TMEM132B: variants seen among roughly 807,000 people sequenced by gnomAD.
The protein encoded by TMEM132B is transmembrane protein 132B.
A neutral mutation model predicts 90.8 loss-of-function variants in TMEM132B; 18 were observed. The ratio of observed to expected loss-of-function variants is 0.20; its 90% CI spans 0.14 to 0.29. The LOEUF (loss-of-function observed/expected upper bound fraction) is 0.29, where lower values mean the gene tolerates loss of function less well. Among genes scored for constraint, TMEM132B ranks in the 10% least tolerant of loss-of-function variants. TMEM132B has a pLI of 1.00. For synonymous variants in TMEM132B, 504 were observed against 523.3 expected (o/e 0.96, Z 0.50); for missense variants, 1,096 against 1,326.8 (o/e 0.83, Z 2.70).
chr12:125,595,342 C>T (rs961863619), intron 5 of TMEM132B, among the ~76,000 whole-genome samples: 1 of 152,182 alleles, frequency 6.6e-6, no homozygotes, highest in African/African-American at 2.4e-5. Context: ...TGTCGCTGCT[C>T]ATGGAAAGGG....
At chr12:125,561,602 ATGGATGTTG>A in intron 4 of TMEM132B, among the ~76,000 whole-genome samples, 1 of 152,342 alleles carries the variant, frequency 6.6e-6, no homozygotes, top group African/African-American at 2.4e-5. Context: ...GGGATGCTGA[ATGGATGTTG>A]TGTTATCAGG....
intron 7 of TMEM132B, 152 bp from the exon 8 acceptor site, chr12:125,652,289 T>C: frequency 1.6e-6 from 1 of 625,186 alleles, no homozygotes; most frequent in South Asian, 2.8e-5. Context: ...TGAAGTGTGA[T>C]TGAACAACGG....
At chr12:125,315,943 C>G (rs940737672) in intron 1 of TMEM132B, among the ~76,000 whole-genome samples, 1 of 152,130 alleles carries the variant, frequency 6.6e-6, no homozygotes, top group South Asian at 2.1e-4. Flanking sequence ...TGGGTCACCA[C>G]CCCCTGGATG....
intron 1 of TMEM132B, among the ~76,000 whole-genome samples, chr12:125,238,682 G>A (rs910159597): frequency 1.3e-5 from 2 of 152,248 alleles, no homozygotes; most frequent in African/African-American, 2.4e-5. Context: ...AAGTTGATCC[G>A]TGACAGGTGG....
At position 125,519,299 on chromosome 12, in the gene TMEM132B, G is replaced by A. The variant is rs1392019899; in HGVS notation, c.1107-140G>A. On this transcript the variant is annotated intron_variant, in intron 3 of 8. Coordinates refer to ENST00000682704, the MANE Select transcript of TMEM132B (RefSeq NM_001366854.1). ...GATGGGCAGCTGTGAATTAGGCTCC[G>A]ACAACACTGCCGTGTGAGTTGTTGA... is the stretch of plus-strand genomic sequence containing the variant. The A allele has an allele frequency of 1.2e-5, 10 of 856,838 alleles. No homozygotes were observed. In the Middle Eastern group the frequency reaches 8.5e-4, roughly 73 times the overall value. The allele number at this position is 856,838 out of a possible 1,614,324, so 53.1% of individuals were successfully genotyped here.
chr12:125,493,490 C>T (rs61945409), intron 3 of TMEM132B, among the ~76,000 whole-genome samples: 11,851 of 152,118 alleles, frequency 0.078, 513 homozygotes, highest in Non-Finnish European at 0.1. Flanking sequence ...CCAGAGGGAA[C>T]GTCGACTACC....
At chr12:125,610,533 C>T (rs1885799504) in intron 5 of TMEM132B, among the ~76,000 whole-genome samples, 1 of 152,020 alleles carries the variant, frequency 6.6e-6, no homozygotes, top group African/African-American at 2.4e-5. Flanking sequence ...TTGATATGCT[C>T]ATTTTGCTAA....
Position 125,339,221 on chromosome 12 carries a change from G to A in TMEM132B, c.68-10231G>A, listed in dbSNP as rs1593092691. On this transcript the variant is annotated intron_variant, in intron 1 of 8. Transcript: ENST00000682704. ...CTGCCATAACAAAGTACCACATATT[G>A]GGCCACTTAAACAGCAGAAATTTAT... Among the ~76,000 whole-genome samples the A allele has an allele frequency of 2.0e-5, 3 of 152,124 alleles. No individual in the cohort carries two copies. The East Asian group carries it at 5.8e-4, about 29-fold the overall frequency.
chr12:125,300,691 A>T (rs979424497), intron 1 of TMEM132B, among the ~76,000 whole-genome samples: 2 of 152,244 alleles, frequency 1.3e-5, no homozygotes, highest in Admixed American at 6.5e-5. Context: ...AGGAGCCGTC[A>T]TTAGCTCATT....
Position 125,380,985 on chromosome 12 carries a change from T to G in TMEM132B, c.959+30642T>G, listed in dbSNP as rs377625006. Among the ~76,000 whole-genome samples the G allele has an allele frequency of 4.6e-5, 7 of 152,322 alleles. No homozygotes were observed. In the East Asian group the frequency reaches 1.2e-3, roughly 25 times the overall value. On this transcript the variant is annotated intron_variant, in intron 2 of 8. Transcript: ENST00000682704. ...GGATTAATTTTCCTGTTTTAAATGC[T>G]CAGAGTTGCTTCTGTCCTGGTCAGA... is the stretch of plus-strand genomic sequence containing the variant.
intron 4 of TMEM132B, among the ~76,000 whole-genome samples, chr12:125,539,002 C>A (rs1023714686): frequency 2.0e-5 from 3 of 152,240 alleles, no homozygotes; most frequent in Admixed American, 6.5e-5. Context: ...CCACCATCTC[C>A]TGCCAGACCG....
Position 125,459,915 on chromosome 12 carries a change from G to A in TMEM132B, c.1106+44238G>A, listed in dbSNP as rs1190699193. Among the ~76,000 whole-genome samples the A allele has an allele frequency of 6.6e-6, 1 of 152,078 alleles. No individual in the cohort carries two copies. Among genetic ancestry groups the A allele is most frequent in the Non-Finnish European group, 1.5e-5 (1 of 68,014 alleles). ...TTATAAGGGGTTTCCCCTTTCTCTT[G>A]GCTCTCATTTCCCTCTCTTGCCTGC... On this transcript the variant is annotated intron_variant, in intron 3 of 8. Transcript: ENST00000682704. The surrounding 1 kb of genome is among the most constrained non-coding windows in gnomAD (Gnocchi z 4.1).
intron 4 of TMEM132B, among the ~76,000 whole-genome samples, chr12:125,525,368 G>A (rs1232765196): frequency 1.3e-5 from 2 of 152,168 alleles, no homozygotes; most frequent in Non-Finnish European, 2.9e-5. Context: ...AAAGTGATTA[G>A]CCATGAGGGC....
At chr12:125,365,693 G>A (rs1354590347) in intron 2 of TMEM132B, among the ~76,000 whole-genome samples, 2 of 151,634 alleles carry the variant, frequency 1.3e-5, no homozygotes, top group Non-Finnish European at 2.9e-5. Flanking sequence ...TGAGTTGGCA[G>A]TTTTTTTCTT....
rs574976991 is a variant in TMEM132B at position 125,242,063 on chromosome 12, T to C, written c.67+55197T>C. Among the ~76,000 whole-genome samples, 3 of 152,368 alleles carry C rather than the reference T, an allele frequency of 2.0e-5. No individual in the cohort carries two copies. In the South Asian group the frequency reaches 6.2e-4, roughly 32 times the overall value. On this transcript the variant is annotated intron_variant, in intron 1 of 8. Coordinates refer to ENST00000682704, the MANE Select transcript of TMEM132B (RefSeq NM_001366854.1). The stretch of plus-strand genomic sequence containing the variant: ...ACGAGTATTTTCTGAGATACTTAAC[T>C]ATATGCCAAGTCCTGTTCTAAAATA...
chr12:125,339,201 A>G (rs1233899504), intron 1 of TMEM132B, among the ~76,000 whole-genome samples: 1 of 152,242 alleles, frequency 6.6e-6, no homozygotes. Context: ...TAGGGCTGCC[A>G]TAACAAAGTA....
intron 4 of TMEM132B, among the ~76,000 whole-genome samples, chr12:125,532,855 A>G (rs1883682299): frequency 6.6e-6 from 1 of 152,172 alleles, no homozygotes; most frequent in Non-Finnish European, 1.5e-5. Context: ...TCTTTTAAAA[A>G]AACAAGTCAC....
At chr12:125,625,104 A>C (rs1242270318) in intron 5 of TMEM132B, among the ~76,000 whole-genome samples, 3 of 150,266 alleles carry the variant, frequency 2.0e-5, no homozygotes, top group Non-Finnish European at 4.4e-5. Flanking sequence ...GGAATAATGT[A>C]ATATGTAGTC....
At chr12:125,359,443 A>G (rs147779905) in intron 2 of TMEM132B, among the ~76,000 whole-genome samples, 1 of 152,284 alleles carries the variant, frequency 6.6e-6, no homozygotes, top group African/African-American at 2.4e-5. Flanking sequence ...TATTGGCTAC[A>G]AAAAAGACAA....
Sources: allele counts gnomAD v4.1 joint callset (sites outside exome capture counted in the v4.1 genomes callset), GRCh38; gene constraint gnomAD v4.1.1; non-coding constraint Gnocchi (gnomAD v3.1); transcripts MANE v1.5; gene names NCBI Gene and HGNC (gene_info 2026-07-23, HGNC 2026-07-21).